The following AFF2 variants were observed in gnomAD, a reference collection of about 807,000 sequenced individuals.
The protein encoded by AFF2 is ALF transcription elongation factor 2.
A neutral mutation model predicts 76.9 loss-of-function variants in AFF2; 14 were observed. The ratio of observed to expected loss-of-function variants is 0.18; its 90% CI spans 0.12 to 0.28. AFF2 has a LOEUF of 0.28. Among genes scored for constraint, AFF2 ranks in the 10% least tolerant of loss-of-function variants. The pLI is 1.00. For synonymous variants in AFF2, 398 were observed against 366.7 expected, an observed-to-expected ratio of 1.09 and a Z score of -0.98; for missense variants, 868 against 1,001.1, an observed-to-expected ratio of 0.87 and a Z score of 1.79.
Position 148,885,978 on chromosome X carries a change from T to G in AFF2, c.1352T>G (p.Leu451Arg). Reference sequence around the variant, plus strand: ...ACCACTCAGTGCACTGCCACTGAGCTCTACCAGGTTAGAAGAGCTTAGGGC... The same window carrying G: ...ACCACTCAGTGCACTGCCACTGAGCGCTACCAGGTTAGAAGAGCTTAGGGC... ...TLTTQCTATELYQAVEKAKPR... is the reference protein window; with the variant it reads ...TLTTQCTATERYQAVEKAKPR... Residue 451 changes from leucine (L) to arginine (R), a missense_variant, in exon 8 of 21, where the codon CTC (leucine) becomes CGC (arginine). Leu to Arg is a moderately radical substitution (Grantham distance 102). Around this residue, in one of 6 missense-constraint regions of AFF2, gnomAD observed 532 missense variants for 564.2 expected, o/e 0.94. Transcript: ENST00000370460. 1.7e-6 allele frequency: 2 copies of G among 1,198,667 alleles called. No individual in the cohort carries two copies. The highest frequency in any genetic ancestry group is 2.3e-6 in the Non-Finnish European group (2 of 884,133).
chrX:148,651,902 T>G, intron 1 of AFF2, 97 bp from the exon 2 acceptor site: 1 of 844,111 alleles, frequency 1.2e-6, no homozygotes, highest in Non-Finnish European at 1.7e-6. Flanking sequence ...GCAAGTTGAC[T>G]TGAATTTTTT....
At chrX:148,918,660 T>C (rs2071558636) in intron 9 of AFF2, among the ~76,000 whole-genome samples, 1 of 111,543 alleles carries the variant, frequency 9.0e-6, no homozygotes, top group Admixed American at 9.5e-5. Context: ...ATGGAATACA[T>C]TGAGCCTCCA....
chrX:148,799,918 T>C (rs996336547), intron 3 of AFF2, among the ~76,000 whole-genome samples: 1 of 111,510 alleles, frequency 9.0e-6, no homozygotes, highest in Admixed American at 9.5e-5. Context: ...CTCTACACCA[T>C]TGGAGATGTA....
rs2072663666 is a variant in AFF2, at chrX:149,000,529, T to A, written c.*9197T>A. ...CAAACATTTTAATGTGGTTTTGTTG[T>A]TTTCCAACAAGATGTCTCTGTAAAA... On this transcript the variant is annotated 3_prime_UTR_variant, in exon 21 of 21. Coordinates refer to ENST00000370460, the MANE Select transcript of AFF2 (RefSeq NM_002025.4). 1 of 113,217 alleles carries A rather than the reference T, an allele frequency of 8.8e-6. No homozygotes were observed. The highest frequency in any genetic ancestry group is 1.9e-5 in the Non-Finnish European group (1 of 53,416). 9.3% of individuals were successfully genotyped at this position (113,217 alleles called of 1,213,427 possible).
chrX:148,579,682 A>G (rs1557244056), intron 1 of AFF2, among the ~76,000 whole-genome samples: 3 of 111,929 alleles, frequency 2.7e-5, no homozygotes, highest in Non-Finnish European at 5.6e-5. Context: ...AAATAAAATT[A>G]AGGAGCTATC....
intron 1 of AFF2, among the ~76,000 whole-genome samples, chrX:148,584,383 C>T (rs1224394153): frequency 9.1e-6 from 1 of 110,490 alleles, no homozygotes; most frequent in Non-Finnish European, 1.9e-5. Flanking sequence ...CAGAGTATGT[C>T]CAAGGAAACA....
At chrX:148,791,518 T>C (rs936681015) in intron 3 of AFF2, among the ~76,000 whole-genome samples, 9 of 112,463 alleles carry the variant, frequency 8.0e-5, no homozygotes, top group African/African-American at 2.9e-4. Flanking sequence ...CCAAACCATA[T>C]CAGTTGCAAA....
chrX:148,965,110 A>G (rs1242276885), intron 13 of AFF2, among the ~76,000 whole-genome samples: 1 of 111,959 alleles, frequency 8.9e-6, no homozygotes, highest in Non-Finnish European at 1.9e-5. Context: ...AACTTTGTTC[A>G]GGAAGCTCAA....
intron 15 of AFF2, among the ~76,000 whole-genome samples, chrX:148,970,409 T>C (rs1484455453): frequency 8.9e-6 from 1 of 112,257 alleles, no homozygotes; most frequent in Non-Finnish European, 1.9e-5. Context: ...GCATAGAAAA[T>C]ATTTTGATAA....
rs782194679 is a variant in AFF2 at position 148,703,064 on chromosome X, A to T, written c.1041+40296A>T. On this transcript the variant is annotated intron_variant, in intron 3 of 20. Coordinates refer to ENST00000370460, the MANE Select transcript of AFF2 (RefSeq NM_002025.4). ...CTTATAGTAAAACCAGTGAGAAGAG[A>T]CAAAGAATTTGAGGGACCAGAACAG... Among the ~76,000 whole-genome samples, 4 of 111,934 alleles carry T rather than the reference A, an allele frequency of 3.6e-5. No individual in the cohort carries two copies. In the South Asian group the frequency reaches 1.5e-3, roughly 42 times the overall value.
intron 3 of AFF2, among the ~76,000 whole-genome samples, chrX:148,737,660 G>C (rs1381463219): frequency 9.0e-6 from 1 of 111,477 alleles, no homozygotes; most frequent in East Asian, 2.8e-4. Context: ...CTATGTTGAA[G>C]AGGAGTGGTG....
intron 19 of AFF2, among the ~76,000 whole-genome samples, chrX:148,984,555 G>A (rs1404802682): frequency 6.3e-5 from 7 of 111,768 alleles, no homozygotes; most frequent in African/African-American, 2.3e-4. Flanking sequence ...ATGAGCACAA[G>A]GTAGTGTGCA....
At chrX:148,812,385 C>CAG (rs1332672560) in intron 4 of AFF2, among the ~76,000 whole-genome samples, 4 of 111,430 alleles carry the variant, frequency 3.6e-5, no homozygotes, top group African/African-American at 1.3e-4. Flanking sequence ...GGGAGCTATG[C>CAG]AGAGGAAGGA....
intron 1 of AFF2, among the ~76,000 whole-genome samples, chrX:148,642,222 A>G (rs2054096808): frequency 8.9e-6 from 1 of 112,421 alleles, no homozygotes; most frequent in Non-Finnish European, 1.9e-5. Context: ...TATAGGGGGT[A>G]GAATTTGCCT....
At chrX:148,899,585 A>G (rs1425681243) in intron 8 of AFF2, among the ~76,000 whole-genome samples, 7 of 112,293 alleles carry the variant, frequency 6.2e-5, no homozygotes, top group Non-Finnish European at 1.3e-4. Flanking sequence ...ATTTGAAATT[A>G]TCTGAATGAT....
At chrX:148,846,400 A>G (rs1456073156) in intron 7 of AFF2, among the ~76,000 whole-genome samples, 2 of 111,913 alleles carry the variant, frequency 1.8e-5, no homozygotes, top group Admixed American at 9.5e-5. Context: ...TTTATTTTAA[A>G]CTATACAGAC....
intron 9 of AFF2, among the ~76,000 whole-genome samples, chrX:148,932,551 C>G (rs902120927): frequency 9.0e-5 from 10 of 111,708 alleles, no homozygotes; most frequent in Non-Finnish European, 1.5e-4. Flanking sequence ...GCCTTTCTTG[C>G]CCACCTTCCA....
intron 1 of AFF2, among the ~76,000 whole-genome samples, chrX:148,581,214 CATATATA>C (rs2053373923): frequency 2.6e-5 from 2 of 76,792 alleles, no homozygotes; most frequent in Non-Finnish European, 5.1e-5. Flanking sequence ...CGTATACACA[CATATATA>C]ATATACGTAT....
At chrX:148,742,927 TG>T (rs1390571279) in intron 3 of AFF2, among the ~76,000 whole-genome samples, 1 of 111,879 alleles carries the variant, frequency 8.9e-6, no homozygotes, top group African/African-American at 3.2e-5. Flanking sequence ...ATATTTTATT[TG>T]TTTATGTAAA....
Sources: gnomAD v4.1 joint callset for allele counts (sites outside exome capture counted in the v4.1 genomes callset) on GRCh38, gnomAD v4.1.1 for gene constraint, gnomAD v4.1.1 regional missense constraint, MANE v1.5 for transcripts, NCBI Gene and HGNC (gene_info 2026-07-23, HGNC 2026-07-21) for gene names.